The following PGR variants were observed in gnomAD, a reference collection of about 807,000 sequenced individuals.
PGR encodes the protein nuclear receptor subfamily 3 group C member 3.
PGR carries 25 observed loss-of-function variants against 76.1 expected under a neutral mutation model. That is an observed-to-expected ratio of 0.33 (90% CI 0.24 to 0.46). The LOEUF (loss-of-function observed/expected upper bound fraction) is 0.46, where lower values mean the gene tolerates loss of function less well. PGR is among the 20% of genes least tolerant of loss of function. The pLI is 1.00. For synonymous variants in PGR, 579 were observed against 535.0 expected (o/e 1.08, Z -1.14); for missense variants, 1,172 against 1,225.3 (o/e 0.96, Z 0.65).
chr11:101,090,508 G>C (rs1861645882), intron 3 of PGR, among the ~76,000 whole-genome samples: 1 of 152,204 alleles, frequency 6.6e-6, no homozygotes, highest in Non-Finnish European at 1.5e-5. Flanking sequence ...CTAGATGTGT[G>C]ATTTTGTGAA....
In PGR at chr11:101,029,940, A is replaced by T. The variant is rs1247187237; in HGVS notation, c.*9176T>A. ...CATTGTCACCCCATCACTGCCAGGGACCCAGCCCCAGGCATACACAGATGA... is the reference window on the plus strand; with the variant it reads ...CATTGTCACCCCATCACTGCCAGGGTCCCAGCCCCAGGCATACACAGATGA... On this transcript the variant is annotated 3_prime_UTR_variant, in exon 8 of 8. Transcript: ENST00000325455. 4.4e-6 allele frequency: 1 copy of T among 225,234 alleles called. No homozygotes were observed. Among genetic ancestry groups the T allele is most frequent in the Non-Finnish European group, 8.8e-6 (1 of 113,132 alleles). The allele number at this position is 225,234 out of a possible 1,614,324, so 14.0% of individuals were successfully genotyped here. A position where few individuals can be genotyped will look rare whatever the true frequency, so the allele number is the denominator to read the frequency against.
intron 2 of PGR, among the ~76,000 whole-genome samples, chr11:101,125,086 T>C (rs1209562463): frequency 2.0e-5 from 3 of 152,130 alleles, no homozygotes; most frequent in Non-Finnish European, 2.9e-5. Context: ...GTTCCTTGTC[T>C]AGGTGTGATC....
At chr11:101,083,957 G>A (rs1370191803) in intron 3 of PGR, among the ~76,000 whole-genome samples, 2 of 152,060 alleles carry the variant, frequency 1.3e-5, no homozygotes, top group Non-Finnish European at 2.9e-5. Flanking sequence ...TTTGGGAGGG[G>A]CCAGGGGCAG....
chr11:101,105,796 C>A (rs1021879830), intron 2 of PGR, among the ~76,000 whole-genome samples: 6 of 152,252 alleles, frequency 3.9e-5, no homozygotes, highest in Non-Finnish European at 7.4e-5. Context: ...AAGAACAAAG[C>A]TGGAGGCATC....
Position 101,129,440 on chromosome 11 carries a change from T to A in PGR, c.-370A>T, listed in dbSNP as rs992779636. ...GCAGAGTACTCACAAGTCCGGCACT[T>A]GAGTGGCTGCGGCTGCGACGGCAAT... On this transcript the variant is annotated 5_prime_UTR_variant, in exon 1 of 8. Transcript: ENST00000325455. 7.5e-6 allele frequency: 2 copies of A among 267,694 alleles called. No individual in the cohort carries two copies. The highest frequency in any genetic ancestry group is 2.2e-5 in the African/African-American group (1 of 46,356). The allele number at this position is 267,694 out of a possible 1,614,324, so 16.6% of individuals were successfully genotyped here. A position where few individuals can be genotyped will look rare whatever the true frequency, so the allele number is the denominator to read the frequency against.
intron 6 of PGR, among the ~76,000 whole-genome samples, chr11:101,047,372 T>C (rs1401587755): frequency 1.3e-5 from 2 of 152,190 alleles, no homozygotes; most frequent in Admixed American, 6.5e-5. Flanking sequence ...GGGCAGGAGC[T>C]AATTACTGTA....
intron 2 of PGR, among the ~76,000 whole-genome samples, chr11:101,098,055 C>A (rs576590227): frequency 2.6e-5 from 4 of 151,968 alleles, no homozygotes; most frequent in African/African-American, 4.8e-5. Flanking sequence ...AGATTACAGG[C>A]GTGAGCCACC....
At chr11:101,082,092 T>C (rs924090487) in intron 3 of PGR, among the ~76,000 whole-genome samples, 2 of 151,970 alleles carry the variant, frequency 1.3e-5, no homozygotes, top group Admixed American at 6.6e-5. Flanking sequence ...TCAGGAGATA[T>C]GATGGTTTAA....
At chr11:101,071,165 G>A (rs916079097) in intron 3 of PGR, among the ~76,000 whole-genome samples, 1 of 152,182 alleles carries the variant, frequency 6.6e-6, no homozygotes, top group Non-Finnish European at 1.5e-5. Context: ...GAGTCCGCTA[G>A]TGATACCCAG....
intron 2 of PGR, among the ~76,000 whole-genome samples, chr11:101,099,780 C>G (rs1273235871): frequency 7.3e-6 from 1 of 137,488 alleles, no homozygotes; most frequent in Non-Finnish European, 1.6e-5. Context: ...GGAAGAGCAG[C>G]CTGTAATCAC....
At position 101,064,743 on chromosome 11, in the gene PGR, C is replaced by T. The variant is rs534845721; in HGVS notation, c.1907-1991G>A. Among the ~76,000 whole-genome samples, 16 of 152,328 alleles carry T rather than the reference C, an allele frequency of 1.1e-4. 1 individual carries two copies. In the East Asian group the frequency reaches 3.1e-3, roughly 29 times the overall value. The stretch of plus-strand genomic sequence containing the variant: ...ACATTATTGTCTTTTCCATCTCCCA[C>T]TCTGAATATCTTGTCTTTATTATCT... On this transcript the variant is annotated intron_variant, in intron 3 of 7. Transcript: ENST00000325455.
At chr11:101,076,180 A>C (rs1247422380) in intron 3 of PGR, among the ~76,000 whole-genome samples, 1 of 152,148 alleles carries the variant, frequency 6.6e-6, no homozygotes, top group Non-Finnish European at 1.5e-5. Flanking sequence ...GACATGGATG[A>C]AGCTGGAAAC....
At chr11:101,115,124 C>T (rs1037036076) in intron 2 of PGR, among the ~76,000 whole-genome samples, 3 of 152,058 alleles carry the variant, frequency 2.0e-5, no homozygotes, top group Admixed American at 6.6e-5. Context: ...TATATATAAT[C>T]GTAAGGGATT....
In PGR at chr11:101,035,615, C is replaced by T. The variant is rs1300708554; in HGVS notation, c.*3501G>A. ...TTGGAGGGGCTGTGTTCTAGTCAGG[C>T]TCTCTGTTCTAAAAAGACACTTAAA... On this transcript the variant is annotated 3_prime_UTR_variant, in exon 8 of 8. Transcript: ENST00000325455. 1 of 231,894 alleles carries T rather than the reference C, an allele frequency of 4.3e-6. No individual in the cohort carries two copies. The highest frequency in any genetic ancestry group is 8.5e-6 in the Non-Finnish European group (1 of 117,346). The allele number at this position is 231,894 out of a possible 1,614,324, so 14.4% of individuals were successfully genotyped here. A position where few individuals can be genotyped will look rare whatever the true frequency, so the allele number is the denominator to read the frequency against.
rs529637040 is a variant in PGR at position 101,038,394 on chromosome 11, G to A, written c.*722C>T. ...TGTCCACTCGCAATACCTCATTAGA[G>A]GACAATTCTCTCCCCAAAAAAGGTT... On this transcript the variant is annotated 3_prime_UTR_variant, in exon 8 of 8. Coordinates refer to ENST00000325455, the MANE Select transcript of PGR (RefSeq NM_000926.4). The A allele has an allele frequency of 6.5e-5, 14 of 214,512 alleles. No individual in the cohort carries two copies. Among genetic ancestry groups the A allele is most frequent in the Non-Finnish European group, 1.1e-4 (12 of 106,242 alleles). The allele number at this position is 214,512 out of a possible 1,614,324, so 13.3% of individuals were successfully genotyped here.
At chr11:101,110,749 C>T (rs772295356) in intron 2 of PGR, among the ~76,000 whole-genome samples, 1 of 152,134 alleles carries the variant, frequency 6.6e-6, no homozygotes, top group East Asian at 1.9e-4. Flanking sequence ...TTGCATACTA[C>T]AGAGTAATCT....
chr11:101,071,189 G>A (rs1385913062), intron 3 of PGR, among the ~76,000 whole-genome samples: 1 of 152,176 alleles, frequency 6.6e-6, no homozygotes, highest in South Asian at 2.1e-4. Context: ...AACAGGGTCT[G>A]GAGTGGACCT....
At chr11:101,094,805 A>G (rs930689629) in intron 2 of PGR, among the ~76,000 whole-genome samples, 1 of 152,140 alleles carries the variant, frequency 6.6e-6, no homozygotes. Context: ...TCCCCTTCAA[A>G]ATTCATATTG....
chr11:101,079,345 T>C (rs905675857), intron 3 of PGR, among the ~76,000 whole-genome samples: 3 of 151,644 alleles, frequency 2.0e-5, no homozygotes, highest in African/African-American at 7.3e-5. Context: ...AGACAAAGAA[T>C]GAGAGAAAAT....
Sources: allele counts gnomAD v4.1 joint callset (sites outside exome capture counted in the v4.1 genomes callset), GRCh38; gene constraint gnomAD v4.1.1; transcripts MANE v1.5; gene names NCBI Gene and HGNC (gene_info 2026-07-23, HGNC 2026-07-21).